Variants in KIRREL3 observed in about 807,000 individuals in gnomAD.
KIRREL3 encodes kin of IRRE-like protein 3.
In KIRREL3, 36 loss-of-function variants were observed where a neutral mutation model predicts 89.7. The observed-to-expected ratio is 0.40, with a 90% CI of 0.31 to 0.53. The LOEUF is 0.53. KIRREL3 is among the 20% of genes least tolerant of loss of function. The pLI, the probability that KIRREL3 is intolerant of heterozygous loss-of-function variation, is 0.49. For synonymous variants in KIRREL3, 445 were observed against 441.4 expected, an observed-to-expected ratio of 1.01 and a Z score of -0.10; for missense variants, 864 against 1,056.6, an observed-to-expected ratio of 0.82 and a Z score of 2.53.
chr11:126,631,640 G>C (rs1429009415), intron 1 of KIRREL3, among the ~76,000 whole-genome samples: 1 of 152,196 alleles, frequency 6.6e-6, no homozygotes, highest in African/African-American at 2.4e-5. Context: ...TTTAGCAGGA[G>C]TACATGTCAT....
intron 1 of KIRREL3, among the ~76,000 whole-genome samples, chr11:126,901,191 G>T (rs1042872732): frequency 1.5e-5 from 2 of 131,138 alleles, no homozygotes; most frequent in Non-Finnish European, 3.1e-5. Context: ...TTCAGCCTGG[G>T]TAACAGAGCG....
At chr11:126,510,963 T>C (rs971422988) in intron 4 of KIRREL3, among the ~76,000 whole-genome samples, 1 of 152,108 alleles carries the variant, frequency 6.6e-6, no homozygotes, top group Non-Finnish European at 1.5e-5. Context: ...CCAGGGCTAG[T>C]GCACATAGGG....
rs947141463 is a variant in KIRREL3, at chr11:126,708,180, G to T, written c.56-145268C>A. 6.6e-6 allele frequency among the ~76,000 whole-genome samples: 1 copy of T among 152,130 alleles called. No individual in the cohort carries two copies. ...TCCCTGGTCAGGCGGTATTCATGCC[G>T]CCTGGAAACTCATCTGCCTGTGCCG... On this transcript the variant is annotated intron_variant, in intron 1 of 16. Transcript: ENST00000525144. This position sits in a 1 kb window ranked among gnomAD's most constrained non-coding sequence, Gnocchi z 5.7.
chr11:126,800,329 G>T (rs7928024), intron 1 of KIRREL3, among the ~76,000 whole-genome samples: 35,120 of 152,104 alleles, frequency 0.23, 4,652 homozygotes, highest in Non-Finnish European at 0.31. Context: ...TTGAGCTCCT[G>T]CTCTGCCTTC....
Position 126,541,544 on chromosome 11 carries a change from C to T in KIRREL3, c.134-14857G>A, listed in dbSNP as rs1281665913. ...GTAAACAAAATAATCATTTATGCTGCTATAGCCTTGTCAGTCAGAGACGGT... is the reference window on the plus strand; with the variant it reads ...GTAAACAAAATAATCATTTATGCTGTTATAGCCTTGTCAGTCAGAGACGGT... On this transcript the variant is annotated intron_variant, in intron 2 of 16. Transcript: ENST00000525144. This position sits in a 1 kb window ranked among gnomAD's most constrained non-coding sequence, Gnocchi z 4.8. Among the ~76,000 whole-genome samples, 2 of 152,206 alleles carry T rather than the reference C, an allele frequency of 1.3e-5. No homozygotes were observed. The highest frequency in any genetic ancestry group is 2.4e-5 in the African/African-American group (1 of 41,446).
chr11:126,745,599 T>A (rs1363112480), intron 1 of KIRREL3, among the ~76,000 whole-genome samples: 1 of 151,984 alleles, frequency 6.6e-6, no homozygotes, highest in Non-Finnish European at 1.5e-5. Flanking sequence ...CCCCTGTAAA[T>A]TTGAAGATAC....
chr11:126,436,861 G>A lies in KIRREL3; in HGVS notation c.1502C>T (p.Ala501Val). ...AGTGTCGGAGCCGAAGCTGTTCCAG[G>A]CCGTGCAGTTGTAGATGGTCTGGAA... is the stretch of plus-strand genomic sequence containing the variant. ...ADFQTIYNCT[A>V]WNSFGSDTEI... The change falls in exon 12 of 17, where the codon GCC becomes GTC. Residue 501 changes from alanine to valine, a missense_variant. By Grantham distance (64) the Ala-to-Val change is moderately conservative. Coordinates refer to ENST00000525144, the MANE Select transcript of KIRREL3 (RefSeq NM_032531.4). 2 of 1,613,756 alleles carry A rather than the reference G, an allele frequency of 1.2e-6. No homozygotes were observed. The highest frequency in any genetic ancestry group is 1.7e-6 in the Non-Finnish European group (2 of 1,179,876).
In KIRREL3 at chr11:126,508,574, G is replaced by A. The variant is rs1045712386; in HGVS notation, c.433+12741C>T. On this transcript the variant is annotated intron_variant, in intron 4 of 16. Coordinates refer to ENST00000525144, the MANE Select transcript of KIRREL3 (RefSeq NM_032531.4). This position sits in a 1 kb window ranked among gnomAD's most constrained non-coding sequence, Gnocchi z 4.9. The stretch of plus-strand genomic sequence containing the variant: ...CAAGCAGGGCTCCTGGAGTTCCCAG[G>A]GGCTAGGAAGAAACCTGTTTCATAG... 1.3e-5 allele frequency among the ~76,000 whole-genome samples: 2 copies of A among 152,152 alleles called. No homozygotes were observed. The highest frequency in any genetic ancestry group is 4.8e-5 in the African/African-American group (2 of 41,432).
At position 126,430,359 on chromosome 11, in the gene KIRREL3, C is replaced by T. The variant is rs1955086246; in HGVS notation, c.1696+1060G>A. Among the ~76,000 whole-genome samples the T allele has an allele frequency of 6.6e-6, 1 of 152,176 alleles. No individual in the cohort carries two copies. The highest frequency in any genetic ancestry group is 2.4e-5 in the African/African-American group (1 of 41,500). ...ACTCAGGAGGCTTAGGCACGAGAATCGCTTGAACCTGGGAGGCGGAGGTTG... is the reference window on the plus strand; with the variant it reads ...ACTCAGGAGGCTTAGGCACGAGAATTGCTTGAACCTGGGAGGCGGAGGTTG... On this transcript the variant is annotated intron_variant, in intron 14 of 16. Coordinates refer to ENST00000525144, the MANE Select transcript of KIRREL3 (RefSeq NM_032531.4). The surrounding 1 kb of genome is among the most constrained non-coding windows in gnomAD (Gnocchi z 6.6).
intron 1 of KIRREL3, among the ~76,000 whole-genome samples, chr11:126,871,501 C>G (rs2134669646): frequency 6.6e-6 from 1 of 152,266 alleles, no homozygotes; most frequent in Admixed American, 6.5e-5. Context: ...GGAAGAAAAA[C>G]TTTTATCCAA....
Position 126,991,730 on chromosome 11 carries a change from A to G in KIRREL3, c.55+8725T>C, listed in dbSNP as rs1950040063. Among the ~76,000 whole-genome samples the G allele has an allele frequency of 6.6e-6, 1 of 152,146 alleles. No individual in the cohort carries two copies. On this transcript the variant is annotated intron_variant, in intron 1 of 16. Transcript: ENST00000525144. This position sits in a 1 kb window ranked among gnomAD's most constrained non-coding sequence, Gnocchi z 5.8. ...ATTCGGATGCATGATTTTCATAGGAAACTCCCTAAAATCCTTTTCCAGTCC... is the reference window on the plus strand; with the variant it reads ...ATTCGGATGCATGATTTTCATAGGAGACTCCCTAAAATCCTTTTCCAGTCC...
Position 126,557,458 on chromosome 11 carries a change from T to C in KIRREL3, c.133+5377A>G, listed in dbSNP as rs1438582123. 1.3e-5 allele frequency among the ~76,000 whole-genome samples: 2 copies of C among 152,112 alleles called. No individual in the cohort carries two copies. The highest frequency in any genetic ancestry group is 1.9e-4 in the East Asian group (1 of 5,188). On this transcript the variant is annotated intron_variant, in intron 2 of 16. Transcript: ENST00000525144. This position sits in a 1 kb window ranked among gnomAD's most constrained non-coding sequence, Gnocchi z 5.6. ...TTTGAATCATCACATTTTAGAGACA[T>C]ACAGGTCATCTTATGAAACATGATT... is the stretch of plus-strand genomic sequence containing the variant.
At chr11:126,572,583 G>T (rs9645671) in intron 1 of KIRREL3, among the ~76,000 whole-genome samples, 3 of 95,562 alleles carry the variant, frequency 3.1e-5, no homozygotes, top group Non-Finnish European at 6.2e-5. Context: ...CCCCCCCCCC[G>T]CCAAGCAGGT....
In KIRREL3 at chr11:126,526,413, T is replaced by C; in HGVS notation, c.283+125A>G. On this transcript the variant is annotated intron_variant, in intron 3 of 16. Transcript: ENST00000525144. The surrounding 1 kb of genome is among the most constrained non-coding windows in gnomAD (Gnocchi z 5.7). ...GCCTAGCCTGACTCTGCCTGAGGAG[T>C]TGCAGTGAAAGCTAGAGATTCGATA... The C allele has an allele frequency of 1.1e-6, 1 of 923,152 alleles. No individual in the cohort carries two copies. The allele number at this position is 923,152 out of a possible 1,614,324, so 57.2% of individuals were successfully genotyped here.
rs1001182335 is a variant in KIRREL3 at position 126,766,237 on chromosome 11, A to C, written c.56-203325T>G. Among the ~76,000 whole-genome samples the C allele has an allele frequency of 6.6e-6, 1 of 152,014 alleles. No individual in the cohort carries two copies. The highest frequency in any genetic ancestry group is 1.5e-5 in the Non-Finnish European group (1 of 68,024). ...TGTCTTCCTGGCCCTCAGTTGGCTG[A>C]GAACAGTAGGAGCCCATAACAGACA... On this transcript the variant is annotated intron_variant, in intron 1 of 16. Transcript: ENST00000525144. The surrounding 1 kb of genome is among the most constrained non-coding windows in gnomAD (Gnocchi z 4.2).
At chr11:126,452,445 C>G (rs991479418) in intron 7 of KIRREL3, among the ~76,000 whole-genome samples, 1 of 152,206 alleles carries the variant, frequency 6.6e-6, no homozygotes, top group African/African-American at 2.4e-5. Context: ...TGAGGCCAAG[C>G]GGGCAGCTGG....
chr11:126,735,791 T>G (rs1346044311), intron 1 of KIRREL3, among the ~76,000 whole-genome samples: 2 of 152,192 alleles, frequency 1.3e-5, no homozygotes, highest in Admixed American at 1.3e-4. Flanking sequence ...AGCTAAAAAT[T>G]ACTTTCTCAT....
At chr11:126,433,486 A>G (rs909598412) in intron 13 of KIRREL3, among the ~76,000 whole-genome samples, 4 of 152,204 alleles carry the variant, frequency 2.6e-5, no homozygotes, top group African/African-American at 9.6e-5. Context: ...TTGCCACCCC[A>G]GGACTTGCAC....
rs953274153 is a variant in KIRREL3 at position 126,761,003 on chromosome 11, C to T, written c.56-198091G>A. On this transcript the variant is annotated intron_variant, in intron 1 of 16. Coordinates refer to ENST00000525144, the MANE Select transcript of KIRREL3 (RefSeq NM_032531.4). This position sits in a 1 kb window ranked among gnomAD's most constrained non-coding sequence, Gnocchi z 4.4. ...CACTGACACCCTCCAGGACAGATAC[C>T]GTTAAACATAAATGAAAGAGGGAAG... is the stretch of plus-strand genomic sequence containing the variant. Among the ~76,000 whole-genome samples, 1 of 152,114 alleles carries T rather than the reference C, an allele frequency of 6.6e-6. No homozygotes were observed. Among genetic ancestry groups the T allele is most frequent in the Non-Finnish European group, 1.5e-5 (1 of 68,028 alleles).
Sources: allele counts gnomAD v4.1 joint callset (sites outside exome capture counted in the v4.1 genomes callset), GRCh38; gene constraint gnomAD v4.1.1; non-coding constraint Gnocchi (gnomAD v3.1); transcripts MANE v1.5; gene names NCBI Gene and HGNC (gene_info 2026-07-23, HGNC 2026-07-21).